Variants in SGCZ observed in about 807,000 individuals in gnomAD.
SGCZ encodes zeta-sarcoglycan.
In SGCZ, 40 loss-of-function variants were observed where a neutral mutation model predicts 41.3. That is an observed-to-expected ratio of 0.97 (90% confidence interval 0.75 to 1.26). The LOEUF (loss-of-function observed/expected upper bound fraction) is 1.26, where lower values mean the gene tolerates loss of function less well. Among genes scored for constraint, SGCZ ranks in the 50% most tolerant of loss-of-function variants. The pLI is 0.00. For synonymous variants in SGCZ, 206 were observed against 137.5 expected (o/e 1.50, Z -3.49); for missense variants, 552 against 369.8 (o/e 1.49, Z -4.04).
At chr8:14,891,701 A>C (rs2130743225) in intron 1 of SGCZ, among the ~76,000 whole-genome samples, 1 of 152,316 alleles carries the variant, frequency 6.6e-6, no homozygotes, top group Admixed American at 6.5e-5. Context: ...ATGCTATCAA[A>C]CGGAGAGCAT....
chr8:14,944,129 T>A (rs1800366374), intron 1 of SGCZ, among the ~76,000 whole-genome samples: 1 of 152,182 alleles, frequency 6.6e-6, no homozygotes, highest in East Asian at 1.9e-4. Flanking sequence ...CTCTCCCCGC[T>A]TCATTCGAAT....
At chr8:14,355,518 C>T (rs1803262175) in intron 2 of SGCZ, among the ~76,000 whole-genome samples, 1 of 151,950 alleles carries the variant, frequency 6.6e-6, no homozygotes, top group African/African-American at 2.4e-5. Flanking sequence ...GGTAAAAATT[C>T]ACTTAATCTG....
At chr8:14,998,735 A>G (rs986844032) in intron 1 of SGCZ, among the ~76,000 whole-genome samples, 3 of 152,222 alleles carry the variant, frequency 2.0e-5, no homozygotes, top group Non-Finnish European at 2.9e-5. Flanking sequence ...ATGCTTGCAT[A>G]AAACAGGGAT....
At chr8:14,624,476 T>A (rs1806383230) in intron 1 of SGCZ, among the ~76,000 whole-genome samples, 2 of 151,316 alleles carry the variant, frequency 1.3e-5, no homozygotes. Context: ...AGAAGCGCAA[T>A]AATTTTTTCT....
chr8:15,219,759 C>G (rs1801529702), intron 1 of SGCZ, among the ~76,000 whole-genome samples: 1 of 152,140 alleles, frequency 6.6e-6, no homozygotes, highest in African/African-American at 2.4e-5. Context: ...ATCACCTACT[C>G]ACTTATGTCT....
chr8:14,924,909 G>C (rs1029547017), intron 1 of SGCZ, among the ~76,000 whole-genome samples: 29 of 145,190 alleles, frequency 2.0e-4, no homozygotes, highest in Admixed American at 2.1e-4. Flanking sequence ...CCAGGCTGGA[G>C]TGCAATGTCG....
Position 14,142,216 on chromosome 8 carries a change from A to G in SGCZ, c.547+22364T>C, listed in dbSNP as rs1284985986. On this transcript the variant is annotated intron_variant, in intron 5 of 7. Transcript: ENST00000382080. ...TAGCACTGGGAGAAGTGCCTAATGT[A>G]AATGACGAGTTAAGGGGTGCAGCAC... 2.0e-5 allele frequency among the ~76,000 whole-genome samples: 3 copies of G among 152,200 alleles called. No homozygotes were observed. In the East Asian group the frequency reaches 5.8e-4, roughly 29 times the overall value.
At chr8:14,583,156 C>G (rs1439289953) in intron 1 of SGCZ, among the ~76,000 whole-genome samples, 1 of 150,620 alleles carries the variant, frequency 6.6e-6, no homozygotes, top group Admixed American at 6.6e-5. Flanking sequence ...TTCTCCACAT[C>G]CTCTCCAGCA....
rs567246138 is a variant in SGCZ at position 15,197,973 on chromosome 8, ATT to A, written c.39+39610_39+39611del. On this transcript the variant is annotated intron_variant, in intron 1 of 7. Coordinates refer to ENST00000382080, the MANE Select transcript of SGCZ (RefSeq NM_139167.4). ...CATACCATATTTACATTATATATATATTATGTACAGATACATATATTTACATA... is the reference window on the plus strand; with the variant it reads ...CATACCATATTTACATTATATATATAATGTACAGATACATATATTTACATA... Among the ~76,000 whole-genome samples, 238 of 149,346 alleles carry A rather than the reference ATT, an allele frequency of 1.6e-3. 1 individual carries two copies. Among genetic ancestry groups the A allele is most frequent in the African/African-American group, 5.5e-3 (227 of 40,936 alleles).
intron 1 of SGCZ, among the ~76,000 whole-genome samples, chr8:14,946,509 T>C (rs1563382301): frequency 6.6e-6 from 1 of 151,976 alleles, no homozygotes; most frequent in Non-Finnish European, 1.5e-5. Flanking sequence ...GAGTTCTCCC[T>C]CTAAGTTATG....
chr8:14,216,887 G>A (rs547349769), intron 4 of SGCZ, among the ~76,000 whole-genome samples: 9 of 152,288 alleles, frequency 5.9e-5, no homozygotes, highest in African/African-American at 2.2e-4. Flanking sequence ...GGAAAAGTCT[G>A]GGGGTAGGAG....
chr8:14,735,987 A>G (rs1346402057), intron 1 of SGCZ, among the ~76,000 whole-genome samples: 5 of 152,062 alleles, frequency 3.3e-5, no homozygotes, highest in Non-Finnish European at 4.4e-5. Context: ...GATAAGTGTA[A>G]ATGAGTATGG....
chr8:14,649,444 C>G (rs1228110964), intron 1 of SGCZ, among the ~76,000 whole-genome samples: 1 of 151,998 alleles, frequency 6.6e-6, no homozygotes, highest in Non-Finnish European at 1.5e-5. Flanking sequence ...AGACTTAATG[C>G]GTGGCACTGC....
At chr8:14,663,730 C>A (rs1020685849) in intron 1 of SGCZ, among the ~76,000 whole-genome samples, 2 of 152,070 alleles carry the variant, frequency 1.3e-5, no homozygotes, top group Admixed American at 1.3e-4. Context: ...CAAATAGTAT[C>A]TTGGAGTAAT....
At chr8:14,485,516 A>T (rs1039412538) in intron 2 of SGCZ, among the ~76,000 whole-genome samples, 7 of 152,110 alleles carry the variant, frequency 4.6e-5, no homozygotes, top group Non-Finnish European at 1.0e-4. Context: ...GATTACAGGG[A>T]TGAGCCACCA....
At chr8:14,180,456 A>T (rs1229899852) in intron 4 of SGCZ, among the ~76,000 whole-genome samples, 2 of 152,100 alleles carry the variant, frequency 1.3e-5, no homozygotes, top group East Asian at 1.9e-4. Context: ...TGGTACGCTG[A>T]TGGGTCTAGA....
rs1029115777 is a variant in SGCZ, at chr8:14,310,580, G to A, written c.336+13523C>T. 1.1e-4 allele frequency among the ~76,000 whole-genome samples: 16 copies of A among 151,976 alleles called. 3 individuals carry two copies. The highest frequency in any genetic ancestry group is 9.9e-4 in the Admixed American group (15 of 15,226). ...GCAGGTTAGCACCTTGTATTACTTA[G>A]GTTATTTTGCTTTGGTTAAAAATGG... is the stretch of plus-strand genomic sequence containing the variant. On this transcript the variant is annotated intron_variant, in intron 3 of 7. Transcript: ENST00000382080.
chr8:14,232,778 G>T (rs1438968830), intron 4 of SGCZ, among the ~76,000 whole-genome samples: 1 of 151,998 alleles, frequency 6.6e-6, no homozygotes, highest in Non-Finnish European at 1.5e-5. Flanking sequence ...CTAGGTGTTA[G>T]TTCATTCAGA....
At chr8:15,097,088 C>A (rs770891103) in intron 1 of SGCZ, among the ~76,000 whole-genome samples, 4 of 152,120 alleles carry the variant, frequency 2.6e-5, no homozygotes, top group African/African-American at 7.2e-5. Flanking sequence ...ATAGGTGTGA[C>A]TATAGACATG....
Sources: gnomAD v4.1 joint callset for allele counts (sites outside exome capture counted in the v4.1 genomes callset) on GRCh38, gnomAD v4.1.1 for gene constraint, MANE v1.5 for transcripts, NCBI Gene and HGNC (gene_info 2026-07-23, HGNC 2026-07-21) for gene names.